The following WWOX variants were observed in gnomAD, a reference collection of about 807,000 sequenced individuals.
The protein encoded by WWOX is WW domain-containing oxidoreductase.
WWOX carries 69 observed loss-of-function variants against 46.2 expected under a neutral mutation model. That is an observed-to-expected ratio of 1.49 (90% CI 1.23 to 1.82). The LOEUF is 1.82. WWOX is among the 40% of genes most tolerant of loss of function. The probability of loss-of-function intolerance (pLI) is 0.00; values close to 1 mark genes in which losing one functional copy is unlikely to be tolerated. For synonymous variants in WWOX, 359 were observed against 202.6 expected, an observed-to-expected ratio of 1.77 and a Z score of -6.56; for missense variants, 919 against 542.6, an observed-to-expected ratio of 1.69 and a Z score of -6.89.
chr16:78,734,066 A>C (rs986233489), intron 8 of WWOX, among the ~76,000 whole-genome samples: 1 of 152,048 alleles, frequency 6.6e-6, no homozygotes, highest in East Asian at 1.9e-4. Flanking sequence ...TCTGGAAAAA[A>C]AAAAACACAA....
rs12931310 is a variant in WWOX, at chr16:78,911,839, C to A, written c.1057-299769C>A. Among the ~76,000 whole-genome samples, 9 of 151,794 alleles carry A rather than the reference C, an allele frequency of 5.9e-5. No homozygotes were observed. The South Asian group carries it at 1.4e-3, about 24-fold the overall frequency. Reference sequence around the variant, plus strand: ...TGAGATCACGCTGATGCATTCCAGCCTGGGTGACAGAGCAGGACTCCATCT... The same window carrying A: ...TGAGATCACGCTGATGCATTCCAGCATGGGTGACAGAGCAGGACTCCATCT... On this transcript the variant is annotated intron_variant, in intron 8 of 8. Coordinates refer to ENST00000566780, the MANE Select transcript of WWOX (RefSeq NM_016373.4).
At chr16:78,188,408 A>T (rs1420808132) in intron 5 of WWOX, among the ~76,000 whole-genome samples, 1 of 151,750 alleles carries the variant, frequency 6.6e-6, no homozygotes, top group Non-Finnish European at 1.5e-5. Flanking sequence ...CAATGGCGTG[A>T]ACCCAGGAGG....
At chr16:78,183,823 T>G (rs1406204218) in intron 5 of WWOX, among the ~76,000 whole-genome samples, 1 of 152,132 alleles carries the variant, frequency 6.6e-6, no homozygotes, top group East Asian at 1.9e-4. Flanking sequence ...CTGAGTAGAT[T>G]TGTGTCATTT....
chr16:78,969,895 T>A (rs2046437714), intron 8 of WWOX, among the ~76,000 whole-genome samples: 1 of 152,176 alleles, frequency 6.6e-6, no homozygotes, highest in South Asian at 2.1e-4. Flanking sequence ...GCAGGATTCC[T>A]TCTAAAGCAA....
At chr16:78,429,045 C>G (rs2083154607) in intron 7 of WWOX, among the ~76,000 whole-genome samples, 1 of 152,108 alleles carries the variant, frequency 6.6e-6, no homozygotes, top group Non-Finnish European at 1.5e-5. Context: ...ATTGGAATTC[C>G]AAACCCATGA....
Position 79,003,015 on chromosome 16 carries a change from G to A in WWOX, c.1057-208593G>A, listed in dbSNP as rs776656113. Among the ~76,000 whole-genome samples, 112 of 152,134 alleles carry A rather than the reference G, an allele frequency of 7.4e-4. 1 individual carries two copies. Among genetic ancestry groups the A allele is most frequent in the Non-Finnish European group, 1.4e-3 (96 of 68,020 alleles). On this transcript the variant is annotated intron_variant, in intron 8 of 8. Transcript: ENST00000566780. The stretch of plus-strand genomic sequence containing the variant: ...ACTTCCTGGTGAATGCACCCAGCTC[G>A]CCAATGCATGCCAGCCACAGGGCCT...
intron 5 of WWOX, among the ~76,000 whole-genome samples, chr16:78,356,710 G>T (rs927339325): frequency 6.6e-6 from 1 of 152,060 alleles, no homozygotes; most frequent in African/African-American, 2.4e-5. Flanking sequence ...GTGAAACCCC[G>T]TCTCTACTAA....
chr16:78,734,414 A>C (rs16948387), intron 8 of WWOX, among the ~76,000 whole-genome samples: 38,327 of 152,044 alleles, frequency 0.25, 6,665 homozygotes, highest in African/African-American at 0.49. Context: ...ATTGGAATAT[A>C]GTAAATGTTT....
intron 8 of WWOX, among the ~76,000 whole-genome samples, chr16:78,597,120 T>G (rs1597325082): frequency 6.6e-6 from 1 of 152,212 alleles, no homozygotes; most frequent in East Asian, 1.9e-4. Flanking sequence ...AAACTGCTCC[T>G]GACCTATTGC....
At chr16:79,182,608 C>G (rs548531135) in intron 8 of WWOX, among the ~76,000 whole-genome samples, 1 of 152,052 alleles carries the variant, frequency 6.6e-6, no homozygotes, top group African/African-American at 2.4e-5. Context: ...GTTTAAAAGC[C>G]AAGATTCTGG....
At chr16:78,455,652 A>G (rs1033022003) in intron 8 of WWOX, among the ~76,000 whole-genome samples, 7 of 132,830 alleles carry the variant, frequency 5.3e-5, no homozygotes, top group Non-Finnish European at 6.6e-5. Context: ...TCAAAAAAAA[A>G]AAAAAAAAAA....
intron 5 of WWOX, among the ~76,000 whole-genome samples, chr16:78,255,594 A>T (rs1201054726): frequency 2.0e-5 from 3 of 152,100 alleles, no homozygotes; most frequent in African/African-American, 7.2e-5. Flanking sequence ...GGGGAAGGCG[A>T]GGCACAAAAG....
chr16:78,333,133 C>T (rs2080803503), intron 5 of WWOX, among the ~76,000 whole-genome samples: 1 of 138,196 alleles, frequency 7.2e-6, no homozygotes, highest in South Asian at 2.3e-4. Context: ...ACACTGCAAC[C>T]TTCGCCTCCC....
chr16:79,083,694 T>A (rs1430221774), intron 8 of WWOX, among the ~76,000 whole-genome samples: 4 of 152,186 alleles, frequency 2.6e-5, no homozygotes. Context: ...ACTGCTACGG[T>A]AAACCGATCA....
chr16:78,125,965 T>A (rs964480251), intron 4 of WWOX, among the ~76,000 whole-genome samples: 5 of 152,124 alleles, frequency 3.3e-5, no homozygotes, highest in Non-Finnish European at 4.4e-5. Flanking sequence ...ATAAAAGATT[T>A]AAAAAAACCC....
intron 8 of WWOX, among the ~76,000 whole-genome samples, chr16:78,683,210 T>A (rs2047770966): frequency 6.6e-6 from 1 of 152,080 alleles, no homozygotes; most frequent in Non-Finnish European, 1.5e-5. Context: ...ATTTTTATTT[T>A]TAAAAAATAG....
At chr16:78,646,476 G>T (rs547830065) in intron 8 of WWOX, among the ~76,000 whole-genome samples, 8 of 152,100 alleles carry the variant, frequency 5.3e-5, no homozygotes, top group African/African-American at 1.9e-4. Flanking sequence ...CACCCAGGCT[G>T]GGGTGCAGTG....
intron 8 of WWOX, among the ~76,000 whole-genome samples, chr16:78,568,782 C>T (rs149462612): frequency 6.6e-6 from 1 of 152,174 alleles, no homozygotes; most frequent in South Asian, 2.1e-4. Flanking sequence ...GCCCCAACTT[C>T]TTAAAAGCCA....
At chr16:79,138,694 T>G (rs1327884315) in intron 8 of WWOX, among the ~76,000 whole-genome samples, 1 of 152,218 alleles carries the variant, frequency 6.6e-6, no homozygotes, top group African/African-American at 2.4e-5. Flanking sequence ...CGTGGTCACT[T>G]GCTTGCACAC....
Sources: gnomAD v4.1 joint callset for allele counts (sites outside exome capture counted in the v4.1 genomes callset) on GRCh38, gnomAD v4.1.1 for gene constraint, MANE v1.5 for transcripts, NCBI Gene and HGNC (gene_info 2026-07-23, HGNC 2026-07-21) for gene names.